RYR3: variants seen among roughly 807,000 people sequenced by gnomAD.
RYR3 encodes brain ryanodine receptor-calcium release channel.
A neutral mutation model predicts 584.3 loss-of-function variants in RYR3; 207 were observed. The ratio of observed to expected loss-of-function variants is 0.35; its 90% confidence interval spans 0.32 to 0.40. The LOEUF (loss-of-function observed/expected upper bound fraction) is 0.40. Ranked by LOEUF, RYR3 falls within the 10% of genes least tolerant of loss-of-function variation. RYR3 has a pLI of 1.00. For missense variants in RYR3, 5,616 were observed against 6,089.2 expected (o/e 0.92, Z 2.59); for synonymous variants, 2,416 against 2,248.5 (o/e 1.07, Z -2.11).
intron 80 of RYR3, among the ~76,000 whole-genome samples, chr15:33,822,564 T>G (rs760324241): frequency 4.6e-5 from 7 of 152,260 alleles, no homozygotes; most frequent in African/African-American, 9.6e-5. Context: ...AAACAAAATT[T>G]TTATTATGTC....
chr15:33,845,172 T>C (rs773826134), intron 93 of RYR3, 110 bp downstream of exon 93: 128 of 1,035,106 alleles, frequency 1.2e-4, no homozygotes, highest in Non-Finnish European at 1.7e-4. Flanking sequence ...AAGGCCTTCG[T>C]AAGGTCCGTA....
chr15:33,369,030 C>T (rs1975929524), intron 1 of RYR3, among the ~76,000 whole-genome samples: 1 of 152,222 alleles, frequency 6.6e-6, no homozygotes, highest in South Asian at 2.1e-4. Flanking sequence ...GGACCAGTTA[C>T]TCTCTGCTCA....
chr15:33,659,506 TA>T (rs1335701446), intron 32 of RYR3, among the ~76,000 whole-genome samples: 1 of 152,178 alleles, frequency 6.6e-6, no homozygotes, highest in Non-Finnish European at 1.5e-5. Flanking sequence ...GACCTGAGAT[TA>T]TTCAGCCCTG....
intron 41 of RYR3, among the ~76,000 whole-genome samples, chr15:33,700,371 A>G (rs2066212675): frequency 6.6e-6 from 1 of 152,252 alleles, no homozygotes; most frequent in Non-Finnish European, 1.5e-5. Flanking sequence ...GTCACTGCAT[A>G]TGCCTTACTC....
intron 74 of RYR3, among the ~76,000 whole-genome samples, chr15:33,813,953 T>A (rs952302612): frequency 2.6e-5 from 4 of 152,208 alleles, no homozygotes; most frequent in African/African-American, 9.6e-5. Context: ...ACAGTTCCAA[T>A]AGTATTTCTC....
chr15:33,805,813 C>T lies in RYR3; in HGVS notation c.10012-1742C>T, dbSNP rs533554919. 4.6e-5 allele frequency among the ~76,000 whole-genome samples: 7 copies of T among 152,226 alleles called. No individual in the cohort carries two copies. In the South Asian group the frequency reaches 1.5e-3, roughly 32 times the overall value. ...TTTTATTCCCTTTGTTCTTGCACTTCTGCTGTTTACTCACAGGCATGTGTG... is the reference window on the plus strand; with the variant it reads ...TTTTATTCCCTTTGTTCTTGCACTTTTGCTGTTTACTCACAGGCATGTGTG... On this transcript the variant is annotated intron_variant, in intron 69 of 103. Transcript: ENST00000634891.
chr15:33,825,757 A>G, intron 82 of RYR3, 81 bp downstream of exon 82: 1 of 751,034 alleles, frequency 1.3e-6, no homozygotes, highest in Non-Finnish European at 2.0e-6. Context: ...CCCCATACAG[A>G]GTTTCGCTCT....
chr15:33,805,727 T>A (rs34835557), intron 69 of RYR3, among the ~76,000 whole-genome samples: 13 of 26,470 alleles, frequency 4.9e-4, no homozygotes, highest in African/African-American at 1.0e-3. Context: ...TCCGCCCGCC[T>A]CGGCCTCCCA....
intron 11 of RYR3, among the ~76,000 whole-genome samples, chr15:33,564,329 A>G (rs189780786): frequency 6.6e-6 from 1 of 152,320 alleles, no homozygotes; most frequent in East Asian, 1.9e-4. Context: ...TGCTGTGATA[A>G]TGAAGAGCAA....
Position 33,779,450 on chromosome 15 carries a change from C to T in RYR3, c.9138-761C>T, listed in dbSNP as rs538957261. 5.3e-5 allele frequency among the ~76,000 whole-genome samples: 8 copies of T among 152,140 alleles called. No homozygotes were observed. In the South Asian group the frequency reaches 1.7e-3, roughly 32 times the overall value. The stretch of plus-strand genomic sequence containing the variant: ...TAAATCAAGCAGTAGGTTTTAGGAC[C>T]TATTGTTTCTGTTGTAAGGGCAGGT... On this transcript the variant is annotated intron_variant, in intron 64 of 103. Transcript: ENST00000634891.
chr15:33,316,236 T>C (rs907188044), intron 1 of RYR3, among the ~76,000 whole-genome samples: 1 of 152,206 alleles, frequency 6.6e-6, no homozygotes, highest in Non-Finnish European at 1.5e-5. Flanking sequence ...GCCTCTTTGC[T>C]TTGTGTTATT....
intron 1 of RYR3, among the ~76,000 whole-genome samples, chr15:33,430,532 AG>A (rs1224412516): frequency 3.3e-5 from 5 of 152,214 alleles, no homozygotes; most frequent in African/African-American, 1.2e-4. Flanking sequence ...CAGGCCCCTT[AG>A]AAAGAAATTT....
chr15:33,779,134 A>G (rs910594697), intron 64 of RYR3, among the ~76,000 whole-genome samples: 3 of 152,064 alleles, frequency 2.0e-5, no homozygotes, highest in Non-Finnish European at 4.4e-5. Context: ...GAGCACTTCT[A>G]TATACCCTAG....
intron 19 of RYR3, 43 bp from the exon 20 acceptor site, chr15:33,623,764 T>G (rs79707273): frequency 2.8e-6 from 3 of 1,054,484 alleles, no homozygotes; most frequent in South Asian, 1.5e-5. Context: ...GGCTGCATTG[T>G]TTTTTTTTTA....
At chr15:33,844,798 G>T in intron 92 of RYR3, 64 bp from the exon 93 acceptor site, 6 of 1,366,884 alleles carry the variant, frequency 4.4e-6, no homozygotes, top group East Asian at 2.3e-5. Flanking sequence ...TAAAATATGT[G>T]GGGAGAGCCC....
At chr15:33,846,787 A>G (rs55803898) in intron 93 of RYR3, among the ~76,000 whole-genome samples, 5,000 of 152,280 alleles carry the variant, frequency 0.033, 159 homozygotes, top group Non-Finnish European at 0.039. Flanking sequence ...CTTCTCATAC[A>G]TAAAAATGAG....
At chr15:33,749,842 A>G (rs2071108159) in intron 55 of RYR3, 137 bp from the exon 56 acceptor site, 3 of 670,636 alleles carry the variant, frequency 4.5e-6, no homozygotes, top group Non-Finnish European at 7.9e-6. Context: ...CTAATTAATG[A>G]TGGGAAGCCC....
intron 38 of RYR3, among the ~76,000 whole-genome samples, chr15:33,681,514 G>A (rs1187590308): frequency 1.3e-5 from 2 of 152,112 alleles, no homozygotes; most frequent in Non-Finnish European, 2.9e-5. Context: ...GACGTTTGGG[G>A]GAGTTGGAGG....
intron 25 of RYR3, among the ~76,000 whole-genome samples, chr15:33,634,963 C>G (rs1332164663): frequency 6.6e-6 from 1 of 152,164 alleles, no homozygotes; most frequent in Non-Finnish European, 1.5e-5. Context: ...ATGACTTATT[C>G]CCACAACGAA....
Sources: gnomAD v4.1 joint callset for allele counts (sites outside exome capture counted in the v4.1 genomes callset) on GRCh38, gnomAD v4.1.1 for gene constraint, MANE v1.5 for transcripts, NCBI Gene and HGNC (gene_info 2026-07-23, HGNC 2026-07-21) for gene names.